Variants in RIC8B observed in about 807,000 individuals in gnomAD.
RIC8B encodes the protein chaperone Ric-8B.
RIC8B carries 16 observed loss-of-function variants against 57.5 expected under a neutral mutation model. The ratio of observed to expected loss-of-function variants is 0.28; its 90% confidence interval spans 0.19 to 0.42. The LOEUF is 0.42. Ranked by LOEUF, RIC8B falls within the 10% of genes least tolerant of loss-of-function variation. RIC8B has a pLI of 1.00. For missense variants in RIC8B, 481 were observed against 677.0 expected (o/e 0.71, Z 3.21); for synonymous variants, 216 against 250.8 (o/e 0.86, Z 1.31).
At chr12:106,838,912 T>C (rs2046740992) in intron 4 of RIC8B, among the ~76,000 whole-genome samples, 1 of 149,906 alleles carries the variant, frequency 6.7e-6, no homozygotes, top group African/African-American at 2.5e-5. Flanking sequence ...AACAGGTACA[T>C]GAAAAGGTAC....
chr12:106,847,400 A>G (rs962556492), intron 6 of RIC8B, among the ~76,000 whole-genome samples: 1 of 152,214 alleles, frequency 6.6e-6, no homozygotes, highest in African/African-American at 2.4e-5. Context: ...ATAGACATAT[A>G]CTACATGAAA....
intron 9 of RIC8B, chr12:106,880,010 G>C (rs775773988): frequency 2.1e-6 from 2 of 939,874 alleles, no homozygotes; most frequent in African/African-American, 3.6e-5. Flanking sequence ...TCAATATACA[G>C]TATCTCCGTT....
chr12:106,814,537 C>G (rs1332335461), intron 2 of RIC8B, among the ~76,000 whole-genome samples, 159 bp from the exon 3 acceptor site: 2 of 152,104 alleles, frequency 1.3e-5, no homozygotes, highest in Non-Finnish European at 2.9e-5. Flanking sequence ...CTGATGGTGA[C>G]CTTATATTTC....
In RIC8B at chr12:106,844,018, A is replaced by G. The variant is rs1949076398; in HGVS notation, c.1161+71A>G. 18 of 1,043,520 alleles carry G rather than the reference A, an allele frequency of 1.7e-5. 1 individual carries two copies. In the South Asian group the frequency reaches 2.4e-4, roughly 14 times the overall value. The allele number at this position is 1,043,520 out of a possible 1,614,324, so 64.6% of individuals were successfully genotyped here. On this transcript the variant is annotated intron_variant, in intron 6 of 9. Transcript: ENST00000392837. ...TGCATTTTAAACATAGAATTAATTG[A>G]ATTTTCTCACAATGATTTTGTTTCA...
At chr12:106,839,876 G>A (rs549075819) in intron 4 of RIC8B, among the ~76,000 whole-genome samples, 88 of 152,062 alleles carry the variant, frequency 5.8e-4, no homozygotes, top group Non-Finnish European at 1.0e-3. Flanking sequence ...ATTAGCAAGG[G>A]GCATGGTGGC....
At position 106,814,775 on chromosome 12, in the gene RIC8B, G is replaced by T. The variant is rs2045496655; in HGVS notation, c.212G>T (p.Arg71Leu). ...CAAGTGTCCTGCCTGGAAGTACTCC[G>T]CATTCTCTCCAGAGACAAAAAGGTT... is the stretch of plus-strand genomic sequence containing the variant. ...TCQVSCLEVL[R>L]ILSRDKKVLV... is the part of the protein sequence containing the mutation. The change falls in exon 3 of 10, where the codon CGC (arginine) becomes CTC (leucine). Residue 71 changes from arginine (R) to leucine (L), a missense_variant. Around this residue, in one of 3 missense-constraint regions of RIC8B, gnomAD observed 421 missense variants for 560.9 expected, o/e 0.75. Transcript: ENST00000392837. 6.2e-7 allele frequency: 1 copy of T among 1,614,100 alleles called. No individual in the cohort carries two copies. The highest frequency in any genetic ancestry group is 8.5e-7 in the Non-Finnish European group (1 of 1,179,974).
intron 8 of RIC8B, among the ~76,000 whole-genome samples, chr12:106,861,647 G>A (rs775308771): frequency 1.3e-5 from 2 of 152,032 alleles, no homozygotes; most frequent in Non-Finnish European, 2.9e-5. Flanking sequence ...TAAGATAGAG[G>A]AATCCTGCTT....
chr12:106,809,544 AAGAATTGTGCAGTAAG>A (rs1385560509), intron 2 of RIC8B, among the ~76,000 whole-genome samples: 8 of 147,786 alleles, frequency 5.4e-5, no homozygotes, highest in Non-Finnish European at 1.1e-4. Flanking sequence ...AAAAAAAAAA[AAGAATTGTGCAGTAAG>A]TGTTCAGTAA....
chr12:106,849,652 C>T (rs2136457453), intron 6 of RIC8B, among the ~76,000 whole-genome samples: 1 of 151,864 alleles, frequency 6.6e-6, no homozygotes, highest in Admixed American at 6.6e-5. Context: ...CCTGAAAAGC[C>T]CTAGTTAACA....
chr12:106,854,120 GATGGTTACCATCAAGGAAC>G (rs1949615373), intron 7 of RIC8B, among the ~76,000 whole-genome samples: 1 of 152,186 alleles, frequency 6.6e-6, no homozygotes, highest in African/African-American at 2.4e-5. Flanking sequence ...AGCAGCGACT[GATGGTTACCATCAAGGAAC>G]ATGTGGCCAG....
At chr12:106,782,182 C>A (rs1453913201) in intron 1 of RIC8B, among the ~76,000 whole-genome samples, 2 of 152,094 alleles carry the variant, frequency 1.3e-5, no homozygotes, top group African/African-American at 4.8e-5. Context: ...CCGTCAGTCT[C>A]CTGTTGGTTA....
intron 2 of RIC8B, among the ~76,000 whole-genome samples, chr12:106,788,174 A>G (rs1020664674): frequency 2.6e-5 from 4 of 152,212 alleles, no homozygotes; most frequent in Admixed American, 2.0e-4. Context: ...TAAAGCTCCA[A>G]AATGATCTCC....
intron 2 of RIC8B, among the ~76,000 whole-genome samples, chr12:106,790,448 C>T (rs1484424485): frequency 6.6e-6 from 1 of 152,172 alleles, no homozygotes; most frequent in African/African-American, 2.4e-5. Context: ...GTTCCAGGTG[C>T]ATGTGGATCA....
intron 4 of RIC8B, among the ~76,000 whole-genome samples, chr12:106,838,620 G>A (rs2136398555): frequency 6.6e-6 from 1 of 151,670 alleles, no homozygotes. Context: ...ATTGGTCTTG[G>A]CAATGATTTC....
chr12:106,774,876 C>T (rs977553951), intron 1 of RIC8B, 47 bp downstream of exon 1: 8 of 1,418,950 alleles, frequency 5.6e-6, no homozygotes, highest in East Asian at 2.5e-5. Context: ...CCCCGGGCCG[C>T]CCTCCGTGCT....
chr12:106,885,774 C>A, intron 9 of RIC8B, 130 bp from the exon 10 acceptor site: 1 of 610,850 alleles, frequency 1.6e-6, no homozygotes, highest in Non-Finnish European at 2.8e-6. Flanking sequence ...ACAGAGAAAG[C>A]TCAAGGGAAA....
intron 3 of RIC8B, 95 bp from the exon 4 acceptor site, chr12:106,825,631 C>T (rs995597416): frequency 3.6e-6 from 3 of 836,246 alleles, no homozygotes; most frequent in Admixed American, 1.8e-5. Context: ...TATAAGAATG[C>T]TTGTTTGGGG....
chr12:106,866,430 GT>G (rs1249672698), intron 8 of RIC8B, among the ~76,000 whole-genome samples: 8 of 151,828 alleles, frequency 5.3e-5, no homozygotes, highest in Non-Finnish European at 1.2e-4. Flanking sequence ...TCTTTATATT[GT>G]TTTTTGGGGG....
intron 2 of RIC8B, among the ~76,000 whole-genome samples, chr12:106,813,337 C>T (rs944880801): frequency 8.3e-4 from 126 of 151,924 alleles, no homozygotes; most frequent in African/African-American, 2.9e-3. Context: ...ATTACAGGCA[C>T]GTGCCACCAT....
Sources: allele counts gnomAD v4.1 joint callset (sites outside exome capture counted in the v4.1 genomes callset), GRCh38; gene constraint gnomAD v4.1.1; regional missense constraint gnomAD v4.1.1; transcripts MANE v1.5; gene names NCBI Gene and HGNC (gene_info 2026-07-23, HGNC 2026-07-21).